The following THAP9 variants were observed in gnomAD, a reference collection of about 807,000 sequenced individuals.
The protein encoded by THAP9 is DNA transposase THAP9.
Under a neutral mutation model 35.7 loss-of-function variants are expected in THAP9, and 20 were observed. The observed-to-expected ratio is 0.56, with a 90% CI of 0.39 to 0.81. The LOEUF is 0.81. THAP9 is among the 40% of genes least tolerant of loss of function. The probability of loss-of-function intolerance (pLI) is 0.00; values close to 1 mark genes in which losing one functional copy is unlikely to be tolerated. For missense variants in THAP9, 870 were observed against 1,047.4 expected (o/e 0.83, Z 2.34); for synonymous variants, 335 against 373.7 (o/e 0.90, Z 1.19).
In THAP9 at chr4:82,906,611, A is replaced by T; in HGVS notation, c.564A>T (p.Leu188=). 5 of 1,594,476 alleles carry T rather than the reference A, an allele frequency of 3.1e-6. No individual in the cohort carries two copies. Among genetic ancestry groups the T allele is most frequent in the Non-Finnish European group, 4.3e-6 (5 of 1,170,632 alleles). Residue 188 remains leucine (L), a synonymous_variant, in exon 3 of 5, where the codon CTA becomes CTT. Coordinates refer to ENST00000302236, the MANE Select transcript of THAP9 (RefSeq NM_024672.6). The part of the protein sequence containing the change: ...KLLSEETECL[L]RAQFSDFKWE... ...TTTCTGAAGAAACAGAGTGTCTGCT[A>T]CGAGCTCAATTTTCAGGTACTTCCC...
intron 4 of THAP9, among the ~76,000 whole-genome samples, chr4:82,914,881 T>C (rs1720987301): frequency 2.0e-5 from 3 of 152,256 alleles, no homozygotes; most frequent in Admixed American, 1.3e-4. Flanking sequence ...ATGAAATCTT[T>C]TACCGTTCCT....
chr4:82,913,555 T>C lies in THAP9; in HGVS notation c.732-3389T>C, dbSNP rs539718471. ...ATACTGTTGAGTCATTGTCTTACTG[T>C]TTTTTCCTTTTTTTAAAAATCTTGT... On this transcript the variant is annotated intron_variant, in intron 4 of 4. Coordinates refer to ENST00000302236, the MANE Select transcript of THAP9 (RefSeq NM_024672.6). 6.0e-5 allele frequency: 9 copies of C among 149,024 alleles called. No homozygotes were observed. The East Asian group carries it at 1.8e-3, about 29-fold the overall frequency. 9.2% of individuals were successfully genotyped at this position (149,024 alleles called of 1,614,324 possible).
intron 1 of THAP9, among the ~76,000 whole-genome samples, chr4:82,902,105 C>CTTTTTTTTTT (rs768693634): frequency 9.6e-6 from 1 of 104,498 alleles, no homozygotes; most frequent in African/African-American, 3.8e-5. Context: ...CATTTTCCTT[C>CTTTTTTTTTT]TTTTTTTTTT....
In THAP9 at chr4:82,904,846, A is replaced by G. The variant is rs777316193; in HGVS notation, c.191A>G (p.Lys64Arg). 7.4e-6 allele frequency: 12 copies of G among 1,613,996 alleles called. No individual in the cohort carries two copies. The highest frequency in any genetic ancestry group is 5.0e-5 in the Admixed American group (3 of 60,010). Residue 64 changes from lysine (K) to arginine (R), a missense_variant, in exon 2 of 5, where the codon AAA (lysine) becomes AGA (arginine). Physicochemically the swap from Lys to Arg is conservative, Grantham distance 26 (BLOSUM62 2). Around this residue, in one of 3 missense-constraint regions of THAP9, gnomAD observed 440 missense variants for 501.2 expected, o/e 0.88. Transcript: ENST00000302236. ...IPGPGAILCSKHFQESDFESY... is the reference protein window; with the variant it reads ...IPGPGAILCSRHFQESDFESY... ...GGACCAGGTGCTATACTGTGTTCCA[A>G]ACATTTTCAAGAAAGTGACTTTGAG...
intron 4 of THAP9, chr4:82,910,373 T>C (rs1320521346): frequency 6.5e-6 from 1 of 153,810 alleles, no homozygotes; most frequent in Non-Finnish European, 1.4e-5. Flanking sequence ...AACATAGTAC[T>C]TCGCTTCCCC....
At position 82,913,686 on chromosome 4, in the gene THAP9, AC is replaced by A. The variant is rs528934238; in HGVS notation, c.732-3254del. 8.5e-3 allele frequency among the ~76,000 whole-genome samples: 1,281 copies of A among 151,248 alleles called. 12 individuals carry two copies. The highest frequency in any genetic ancestry group is 0.021 in the Middle Eastern group (6 of 292). The stretch of plus-strand genomic sequence containing the variant: ...CATCCCAACCTCCACCCTCGAGTAG[AC>A]CCCAGTGTCTGTTGTTTTCTTCCTT... On this transcript the variant is annotated intron_variant, in intron 4 of 4. Coordinates refer to ENST00000302236, the MANE Select transcript of THAP9 (RefSeq NM_024672.6).
intron 4 of THAP9, among the ~76,000 whole-genome samples, chr4:82,915,809 T>C (rs1721016446): frequency 6.6e-6 from 1 of 152,076 alleles, no homozygotes; most frequent in African/African-American, 2.4e-5. Context: ...AAGTTTTGCA[T>C]CCTATAAATA....
At chr4:82,912,089 G>T (rs1263829052) in intron 4 of THAP9, among the ~76,000 whole-genome samples, 1 of 152,056 alleles carries the variant, frequency 6.6e-6, no homozygotes, top group Non-Finnish European at 1.5e-5. Flanking sequence ...TCCTTTTTCA[G>T]TTCTCCCTGG....
chr4:82,904,661 G>T, intron 1 of THAP9, 75 bp from the exon 2 acceptor site: 1 of 1,366,624 alleles, frequency 7.3e-7, no homozygotes, highest in Non-Finnish European at 1.0e-6. Context: ...TAATAGATGG[G>T]TTTATATAAT....
At chr4:82,914,985 G>A (rs1720990739) in intron 4 of THAP9, among the ~76,000 whole-genome samples, 1 of 152,066 alleles carries the variant, frequency 6.6e-6, no homozygotes, top group Non-Finnish European at 1.5e-5. Flanking sequence ...GTTAATTTTT[G>A]TATGTGGTGT....
At position 82,900,758 on chromosome 4, in the gene THAP9, T is replaced by C; in HGVS notation, c.-45T>C. 1.2e-6 allele frequency: 2 copies of C among 1,603,786 alleles called. No homozygotes were observed. Among genetic ancestry groups the C allele is most frequent in the Admixed American group, 1.7e-5 (1 of 59,972 alleles). On this transcript the variant is annotated 5_prime_UTR_variant, in exon 1 of 5. The change abolishes an upstream ATG in the 5' untranslated region. Transcript: ENST00000302236. Reference sequence around the variant, plus strand: ...GCGGAGCTAAAGTGGTCGTGATTCATGCTGTCGCGGGAACCCCGAAGGTGG... The same window carrying C: ...GCGGAGCTAAAGTGGTCGTGATTCACGCTGTCGCGGGAACCCCGAAGGTGG...
intron 1 of THAP9, among the ~76,000 whole-genome samples, chr4:82,903,956 C>T (rs530051271): frequency 7.9e-5 from 12 of 152,112 alleles, no homozygotes; most frequent in East Asian, 1.9e-4. Context: ...TCCTTTATGA[C>T]GTAGTCTGTG....
chr4:82,915,558 A>C (rs781483896), intron 4 of THAP9, among the ~76,000 whole-genome samples: 18 of 152,150 alleles, frequency 1.2e-4, no homozygotes, highest in Non-Finnish European at 2.5e-4. Context: ...TGCCTGGCCC[A>C]TAAGTGTGTT....
At chr4:82,909,861 C>T (rs1301888857) in intron 4 of THAP9, 1 of 151,902 alleles carries the variant, frequency 6.6e-6, no homozygotes, top group Non-Finnish European at 1.5e-5. Context: ...TGTACATATT[C>T]TGGGGGTACA....
intron 1 of THAP9, 131 bp from the exon 2 acceptor site, chr4:82,904,605 T>A: frequency 1.2e-6 from 1 of 839,454 alleles, no homozygotes. Flanking sequence ...CTAAGTAAAT[T>A]AAACTTTTAA....
In THAP9 at chr4:82,907,894, A is replaced by G. The variant is rs373448726; in HGVS notation, c.690A>G (p.Val230=). The G allele has an allele frequency of 8.1e-6, 13 of 1,610,766 alleles. No individual in the cohort carries two copies. Among genetic ancestry groups the G allele is most frequent in the Non-Finnish European group, 1.1e-5 (13 of 1,178,988 alleles). The part of the protein sequence containing the change: ...YLCSSKVYDY[V]RKILKLPHSS... ...GCAGTAGCAAAGTCTATGATTATGT[A>G]AGAAAGATTCTTAAGCTGCCTCATT... The change falls in exon 4 of 5, where the codon GTA becomes GTG. Residue 230 remains valine, a synonymous_variant. Coordinates refer to ENST00000302236, the MANE Select transcript of THAP9 (RefSeq NM_024672.6).
chr4:82,906,685 A>G (rs1484931964), intron 3 of THAP9, 58 bp downstream of exon 3: 1 of 1,470,454 alleles, frequency 6.8e-7, no homozygotes, highest in African/African-American at 1.4e-5. Flanking sequence ...CTGAGGTACC[A>G]TTAAGTATTT....
intron 1 of THAP9, among the ~76,000 whole-genome samples, chr4:82,903,836 G>A (rs1578443796): frequency 6.6e-6 from 1 of 152,114 alleles, no homozygotes; most frequent in Non-Finnish European, 1.5e-5. Flanking sequence ...TTTGACTGGA[G>A]GCCTCAGTTC....
intron 3 of THAP9, among the ~76,000 whole-genome samples, 156 bp from the exon 4 acceptor site, chr4:82,907,629 C>T (rs1156769790): frequency 6.6e-6 from 1 of 152,026 alleles, no homozygotes. Context: ...GTCAAGGGGT[C>T]CTAAGTGGAT....
Sources: gnomAD v4.1 joint callset for allele counts (sites outside exome capture counted in the v4.1 genomes callset) on GRCh38, gnomAD v4.1.1 for gene constraint, gnomAD v4.1.1 regional missense constraint, MANE v1.5 for transcripts, NCBI Gene and HGNC (gene_info 2026-07-23, HGNC 2026-07-21) for gene names.